The following CSF2RA variants were observed in gnomAD, a reference collection of about 807,000 sequenced individuals.
CSF2RA encodes the protein granulocyte-macrophage colony-stimulating factor receptor subunit alpha.
CSF2RA carries 42 observed loss-of-function variants against 51.6 expected under a neutral mutation model. That is an observed-to-expected ratio of 0.81 (90% CI 0.64 to 1.05). The LOEUF is 1.05. CSF2RA is among the 50% of genes least tolerant of loss of function. The pLI is 0.00. For missense variants in CSF2RA, 530 were observed against 501.1 expected (o/e 1.06, Z -0.55); for synonymous variants, 222 against 193.0 (o/e 1.15, Z -1.24).
intron 10 of CSF2RA, among the ~76,000 whole-genome samples, chrX:1,301,757 T>C (rs1454120524): frequency 3.0e-4 from 44 of 149,018 alleles, no homozygotes; most frequent in Admixed American, 2.7e-4. Flanking sequence ...TCACCACGCC[T>C]GGCTAATTTT....
At chrX:1,317,246 C>CTTTTTTTTTTTTTTTTT in the CSF2RA span, among the ~76,000 whole-genome samples, 12 of 57,836 alleles carry the variant, frequency 2.1e-4, no homozygotes, top group African/African-American at 3.7e-4. Context: ...CCACGCTCAG[C>CTTTTTTTTTTTTTTTTT]TTTTTTTTTT....
At chrX:1,291,436 C>T (rs2091390607) in intron 7 of CSF2RA, among the ~76,000 whole-genome samples, 1 of 150,710 alleles carries the variant, frequency 6.6e-6, no homozygotes, top group Non-Finnish European at 1.5e-5. Flanking sequence ...TCCTTCCTTC[C>T]TCTTTTTCTT....
At chrX:1,286,069 T>G (rs2090612640) in intron 4 of CSF2RA, 149 bp downstream of exon 4, 1 of 830,202 alleles carries the variant, frequency 1.2e-6, no homozygotes, top group African/African-American at 1.7e-5. Flanking sequence ...GGTCGGGAGT[T>G]CAAGACCAGC....
intron 2 of CSF2RA, chrX:1,281,911 C>G (rs1282888339): frequency 7.0e-6 from 1 of 142,324 alleles, no homozygotes; most frequent in Non-Finnish European, 1.5e-5. Context: ...TATAAAAGAG[C>G]AGGGCCGGGC....
the CSF2RA span, among the ~76,000 whole-genome samples, chrX:1,322,255 G>T: frequency 6.9e-6 from 1 of 145,012 alleles, no homozygotes; most frequent in African/African-American, 2.5e-5. Context: ...ACAGGTGCCC[G>T]CCACGTCACC....
At chrX:1,295,916 C>A (rs2091901394) in intron 9 of CSF2RA, among the ~76,000 whole-genome samples, 1 of 140,080 alleles carries the variant, frequency 7.1e-6, no homozygotes, top group African/African-American at 2.7e-5. Flanking sequence ...CTACCGATGA[C>A]CTCCAGCGTA....
chrX:1,287,870 G>C (rs2090938389), intron 4 of CSF2RA, among the ~76,000 whole-genome samples: 1 of 137,594 alleles, frequency 7.3e-6, no homozygotes, highest in Non-Finnish European at 1.6e-5. Context: ...CCGAGTAGCA[G>C]GGATTACAGG....
chrX:1,288,981 A>T, intron 6 of CSF2RA, 93 bp downstream of exon 6: 1 of 1,555,098 alleles, frequency 6.4e-7, no homozygotes, highest in Non-Finnish European at 8.9e-7. Context: ...TCTTTTTTTA[A>T]GACATGGTCT....
chrX:1,315,099 C>G (rs1452041244), downstream of CSF2RA, among the ~76,000 whole-genome samples: 1 of 152,098 alleles, frequency 6.6e-6, no homozygotes, highest in East Asian at 1.9e-4. Flanking sequence ...TTATAAGATG[C>G]ATGCAGGTGG....
At chrX:1,303,636 A>T (rs1169893309) in intron 10 of CSF2RA, among the ~76,000 whole-genome samples, 1 of 152,130 alleles carries the variant, frequency 6.6e-6, no homozygotes, top group African/African-American at 2.4e-5. Flanking sequence ...TCGGCCTCCC[A>T]AAGTGCTGGG....
intron 10 of CSF2RA, among the ~76,000 whole-genome samples, chrX:1,302,178 A>G (rs2083054031): frequency 6.6e-6 from 1 of 152,002 alleles, no homozygotes; most frequent in African/African-American, 2.4e-5. Flanking sequence ...GCCCTCCCAA[A>G]GTGCTGCAAT....
chrX:1,277,354 T>C (rs2089311004), intron 2 of CSF2RA, among the ~76,000 whole-genome samples: 1 of 151,468 alleles, frequency 6.6e-6, no homozygotes, highest in Admixed American at 6.6e-5. Flanking sequence ...TCCCAGCACC[T>C]TGGGAGGCAG....
intron 1 of CSF2RA, among the ~76,000 whole-genome samples, chrX:1,273,820 G>C (rs764109602): frequency 4.9e-4 from 72 of 146,732 alleles, no homozygotes; most frequent in African/African-American, 1.6e-3. Context: ...GGATGGTCTC[G>C]ATCTCCTGGC....
chrX:1,303,227 A>T (rs1312183210), intron 10 of CSF2RA: 29 of 311,994 alleles, frequency 9.3e-5, no homozygotes, highest in Admixed American at 1.6e-4. Flanking sequence ...GCCATTTTTT[A>T]AATATTTTTA....
chrX:1,299,672 CCT>C (rs1446323925), intron 9 of CSF2RA, among the ~76,000 whole-genome samples: 2 of 152,164 alleles, frequency 1.3e-5, no homozygotes, highest in African/African-American at 4.8e-5. Flanking sequence ...CATCCCAGCA[CCT>C]TGGGAGGCTG....
chrX:1,271,944 A>G (rs1603414955), intron 1 of CSF2RA, among the ~76,000 whole-genome samples: 1 of 149,574 alleles, frequency 6.7e-6, no homozygotes, highest in Non-Finnish European at 1.5e-5. Flanking sequence ...GAGAAAAGAC[A>G]TGCACTTTTT....
chrX:1,323,878 G>A, the CSF2RA span, among the ~76,000 whole-genome samples: 10 of 152,016 alleles, frequency 6.6e-5, no homozygotes, highest in African/African-American at 9.7e-5. Flanking sequence ...GCCGGGCGTG[G>A]TGGTGGGCGC....
At chrX:1,314,936 T>TGCCCAACCACACTGCACC (rs1569515131), downstream of CSF2RA, among the ~76,000 whole-genome samples, 16 of 21,726 alleles carry the variant, frequency 7.4e-4, 2 homozygotes, top group African/African-American at 3.1e-3. Flanking sequence ...CGCACTGCAC[T>TGCCCAACCACACTGCACC]TGCCCAACCC....
At chrX:1,282,930 A>T (rs1195418854) in intron 3 of CSF2RA, 151 bp downstream of exon 3, 6 of 783,230 alleles carry the variant, frequency 7.7e-6, no homozygotes, top group Non-Finnish European at 1.4e-5. Flanking sequence ...CCAGAAGCTC[A>T]GAGCTCCTCT....
Sources: allele counts gnomAD v4.1 joint callset (sites outside exome capture counted in the v4.1 genomes callset), GRCh38; gene constraint gnomAD v4.1.1; transcripts MANE v1.5; gene names NCBI Gene and HGNC (gene_info 2026-07-23, HGNC 2026-07-21).